The following TTC34 variants were observed in gnomAD, a reference collection of about 807,000 sequenced individuals.
TTC34 encodes tetratricopeptide repeat protein 34.
Under a neutral mutation model 40.7 loss-of-function variants are expected in TTC34, and 44 were observed. That is an observed-to-expected ratio of 1.08 (90% CI 0.85 to 1.39). TTC34 has a LOEUF of 1.39. Ranked by LOEUF, TTC34 falls within the 40% of genes most tolerant of loss-of-function variation. TTC34 has a pLI of 0.00. For synonymous variants in TTC34, 422 were observed against 398.6 expected (o/e 1.06, Z -0.70); for missense variants, 884 against 838.0 (o/e 1.05, Z -0.68).
chr1:2,700,016 C>A (rs558273463), intron 6 of TTC34, among the ~76,000 whole-genome samples: 1,964 of 117,432 alleles, frequency 0.017, 288 homozygotes, highest in Non-Finnish European at 0.027. Context: ...TCCACACCCC[C>A]AGGTGAGCAT....
chr1:2,777,365 A>G (rs1460629357), intron 6 of TTC34, among the ~76,000 whole-genome samples: 9 of 126,418 alleles, frequency 7.1e-5, no homozygotes, highest in South Asian at 2.8e-4. Flanking sequence ...GCCTGGAGCA[A>G]CACCCCACAC....
At chr1:2,772,998 G>A (rs1267766639) in intron 6 of TTC34, among the ~76,000 whole-genome samples, 1 of 134,228 alleles carries the variant, frequency 7.5e-6, no homozygotes, top group African/African-American at 2.7e-5. Flanking sequence ...GCATCTGACA[G>A]CCTGGAGCAG....
intron 4 of TTC34, among the ~76,000 whole-genome samples, chr1:2,786,263 C>T (rs1017669432): frequency 6.6e-6 from 1 of 152,254 alleles, no homozygotes; most frequent in African/African-American, 2.4e-5. Flanking sequence ...CCGATCCTCC[C>T]CTACTGCCTC....
intron 6 of TTC34, among the ~76,000 whole-genome samples, chr1:2,750,890 C>G (rs1175418409): frequency 1.1e-5 from 1 of 91,718 alleles, no homozygotes. Context: ...CCCAAACCCC[C>G]AGGCGAGCAT....
chr1:2,750,223 GGT>G, intron 6 of TTC34, among the ~76,000 whole-genome samples: 1 of 136,002 alleles, frequency 7.4e-6, no homozygotes, highest in Non-Finnish European at 1.5e-5. Context: ...CGCATCTGAT[GGT>G]CTGGAGCAGC....
At chr1:2,654,735 C>CCAGG (rs1639279812) in intron 6 of TTC34, among the ~76,000 whole-genome samples, 1 of 151,884 alleles carries the variant, frequency 6.6e-6, no homozygotes, top group Non-Finnish European at 1.5e-5. Context: ...ACCCACACCC[C>CCAGG]TAGGTGAGCA....
At chr1:2,691,612 A>C (rs1430732467) in intron 6 of TTC34, among the ~76,000 whole-genome samples, 1 of 121,604 alleles carries the variant, frequency 8.2e-6, no homozygotes, top group African/African-American at 2.9e-5. Context: ...AGCCTGGAAC[A>C]GCACCCTGCA....
intron 6 of TTC34, among the ~76,000 whole-genome samples, chr1:2,651,235 C>A (rs959176826): frequency 2.6e-5 from 4 of 151,916 alleles, no homozygotes; most frequent in Admixed American, 1.3e-4. Context: ...ACTCACACCC[C>A]GAGGTGAATG....
At chr1:2,686,109 CGGCACCCACACCCGCAGGTG>C (rs1640331476) in intron 6 of TTC34, among the ~76,000 whole-genome samples, 1 of 124,394 alleles carries the variant, frequency 8.0e-6, no homozygotes, top group Admixed American at 8.5e-5. Flanking sequence ...CAGCCTGGAA[CGGCACCCACACCCGCAGGTG>C]AGCATCTGAT....
At chr1:2,785,931 G>A in exon 5 of TTC34, 2 of 1,528,378 alleles carry the variant, frequency 1.3e-6, no homozygotes, top group Non-Finnish European at 1.8e-6. Flanking sequence ...CGTGGCAGTG[G>A]CCTTGAAGCA....
At chr1:2,750,018 T>C (rs1293505250) in intron 6 of TTC34, among the ~76,000 whole-genome samples, 1 of 99,942 alleles carries the variant, frequency 1.0e-5, no homozygotes, top group Non-Finnish European at 1.8e-5. Flanking sequence ...CAGGCGAGCA[T>C]CCGACAGCCT....
At chr1:2,674,134 G>A (rs1639803369) in intron 6 of TTC34, among the ~76,000 whole-genome samples, 1 of 76,842 alleles carries the variant, frequency 1.3e-5, no homozygotes, top group East Asian at 2.9e-4. Context: ...GGGAGCATCT[G>A]ACCGCATGGA....
In TTC34 at chr1:2,782,984, C is replaced by T. The variant is rs1643509135; in HGVS notation, c.2226+625G>A. ...CATAAACAAACAGAACAGAAACCATCTTCCAGCACACAGGCCTCCCCCAGC... is the reference window on the plus strand; with the variant it reads ...CATAAACAAACAGAACAGAAACCATTTTCCAGCACACAGGCCTCCCCCAGC... On this transcript the variant is annotated intron_variant, in intron 6 of 8. Coordinates refer to ENST00000401095, the Ensembl canonical transcript of TTC34. Among the ~76,000 whole-genome samples the T allele has an allele frequency of 2.6e-5, 4 of 152,256 alleles. No homozygotes were observed. In the South Asian group the frequency reaches 8.3e-4, roughly 32 times the overall value.
At chr1:2,788,780 A>G (rs1246533211) in intron 3 of TTC34, among the ~76,000 whole-genome samples, 1 of 152,166 alleles carries the variant, frequency 6.6e-6, no homozygotes, top group Non-Finnish European at 1.5e-5. Flanking sequence ...GAGACAGGAC[A>G]TTACCCACGA....
exon 2 of TTC34, chr1:2,800,692 C>T (rs1643763687): frequency 7.5e-6 from 3 of 398,424 alleles, no homozygotes; most frequent in Non-Finnish European, 8.8e-6. Flanking sequence ...GCAGTGCGCA[C>T]ACTCTGCAGG....
intron 6 of TTC34, among the ~76,000 whole-genome samples, chr1:2,769,701 A>G (rs1641988674): frequency 6.9e-6 from 1 of 144,112 alleles, no homozygotes; most frequent in Non-Finnish European, 1.5e-5. Flanking sequence ...AGTCTGGAGC[A>G]GCACCCACAC....
At chr1:2,698,748 GC>G (rs1640985283) in intron 6 of TTC34, among the ~76,000 whole-genome samples, 1 of 141,794 alleles carries the variant, frequency 7.1e-6, no homozygotes, top group Non-Finnish European at 1.6e-5. Flanking sequence ...GCATCCGACA[GC>G]CTGGAGCAGG....
intron 6 of TTC34, among the ~76,000 whole-genome samples, chr1:2,694,415 G>T: frequency 8.0e-6 from 1 of 125,364 alleles, no homozygotes. Flanking sequence ...CGCCAGCCTG[G>T]AAAAGCACCC....
intron 6 of TTC34, among the ~76,000 whole-genome samples, chr1:2,780,537 T>C (rs1371605148): frequency 6.6e-6 from 1 of 152,212 alleles, no homozygotes; most frequent in Non-Finnish European, 1.5e-5. Context: ...CCTTCCCCAT[T>C]GAATGGTCTT....
Sources: allele counts gnomAD v4.1 joint callset (sites outside exome capture counted in the v4.1 genomes callset), GRCh38; gene constraint gnomAD v4.1.1; transcripts MANE v1.5; gene names NCBI Gene and HGNC (gene_info 2026-07-23, HGNC 2026-07-21).